Variants in SLC7A8 observed in about 807,000 individuals in gnomAD.
SLC7A8 encodes the protein large neutral amino acids transporter small subunit 2.
SLC7A8 carries 30 observed loss-of-function variants against 51.2 expected under a neutral mutation model. That is an observed-to-expected ratio of 0.59 (90% CI 0.44 to 0.80). SLC7A8 has a LOEUF of 0.80. Among genes scored for constraint, SLC7A8 ranks in the 30% least tolerant of loss-of-function variants. SLC7A8 has a pLI of 0.00. For missense variants in SLC7A8, 612 were observed against 674.4 expected, an observed-to-expected ratio of 0.91 and a Z score of 1.03; for synonymous variants, 257 against 275.8, an observed-to-expected ratio of 0.93 and a Z score of 0.67.
At chr14:23,137,613 TG>T (rs2048702501) in intron 7 of SLC7A8, among the ~76,000 whole-genome samples, 1 of 152,210 alleles carries the variant, frequency 6.6e-6, no homozygotes, top group South Asian at 2.1e-4. Context: ...AGCCACTGAC[TG>T]GGGGCGGCGT....
intron 1 of SLC7A8, among the ~76,000 whole-genome samples, chr14:23,171,465 C>T (rs1288532983): frequency 2.6e-5 from 4 of 152,212 alleles, no homozygotes; most frequent in Non-Finnish European, 4.4e-5. Flanking sequence ...TAAAGCATTA[C>T]TCACATCTAG....
At chr14:23,131,605 A>G in intron 7 of SLC7A8, 48 bp from the exon 8 acceptor site, 1 of 1,454,652 alleles carries the variant, frequency 6.9e-7, no homozygotes, top group Non-Finnish European at 9.3e-7. Context: ...AGGGACCACC[A>G]AGCCCCAGCT....
intron 3 of SLC7A8, 84 bp from the exon 4 acceptor site, chr14:23,143,288 T>A (rs2048762548): frequency 4.5e-6 from 7 of 1,557,046 alleles, no homozygotes; most frequent in Non-Finnish European, 6.1e-6. Flanking sequence ...AACTGCTCCC[T>A]CATCCTGACG....
intron 8 of SLC7A8, among the ~76,000 whole-genome samples, chr14:23,131,137 C>T (rs1456654768): frequency 6.6e-6 from 1 of 152,114 alleles, no homozygotes; most frequent in East Asian, 1.9e-4. Flanking sequence ...GTAACAGGTG[C>T]GAGGAGAGCC....
chr14:23,163,594 T>G (rs1263503757), intron 3 of SLC7A8, among the ~76,000 whole-genome samples: 2 of 151,958 alleles, frequency 1.3e-5, no homozygotes, highest in Non-Finnish European at 1.5e-5. Context: ...GGTGGGTGAG[T>G]GATCTCTTCC....
rs1251474164 is a variant in SLC7A8, at chr14:23,139,524, A to G, written c.812T>C (p.Ile271Thr). The change falls in exon 6 of 11, where the codon ATC becomes ACC. Residue 271 changes from isoleucine (I) to threonine (T), a missense_variant. Physicochemically the swap from Ile to Thr is moderately conservative, Grantham distance 89. Transcript: ENST00000316902. ...PYKNLPRAIF[I>T]SIPLVTFVYV... is the part of the protein sequence containing the mutation. ...CACAAATGTGACCAGTGGGATGGAGATGAAGATGGCTCTGGGAAGGTTCCT... is the reference window on the plus strand; with the variant it reads ...CACAAATGTGACCAGTGGGATGGAGGTGAAGATGGCTCTGGGAAGGTTCCT... 1 of 1,613,894 alleles carries G rather than the reference A, an allele frequency of 6.2e-7. No individual in the cohort carries two copies. The highest frequency in any genetic ancestry group is 1.3e-5 in the African/African-American group (1 of 74,920).
At chr14:23,131,363 G>A (rs2048630403) in intron 8 of SLC7A8, 98 bp downstream of exon 8, 1 of 960,330 alleles carries the variant, frequency 1.0e-6, no homozygotes, top group African/African-American at 1.7e-5. Context: ...CAGACTGCAA[G>A]GGTAACAGGG....
rs765312304 is a variant in SLC7A8 at position 23,128,013 on chromosome 14, A to C, written c.1441+6T>G. On this transcript the variant is annotated splice_donor_region_variant and intron_variant, in intron 10 of 10. Coordinates refer to ENST00000316902, the MANE Select transcript of SLC7A8 (RefSeq NM_012244.4). This position sits in a 1 kb window ranked among gnomAD's most constrained non-coding sequence, Gnocchi z 4.3. ...CTGAAGCCAGCCAGAGCCTCCAACA[A>C]CTCACCAATGAAGTCACTGAAACAC... 3 of 1,611,928 alleles carry C rather than the reference A, an allele frequency of 1.9e-6. No individual in the cohort carries two copies. Among genetic ancestry groups the C allele is most frequent in the Non-Finnish European group, 2.5e-6 (3 of 1,178,540 alleles).
At position 23,160,585 on chromosome 14, in the gene SLC7A8, A is replaced by AC. The variant is rs1236121231; in HGVS notation, c.508+4699_508+4700insG. ...GACTCCGTCTTAAAAAAAAAAAAAAAAAAGGGCACGCTGTAGGAATAACCT... is the reference window on the plus strand; with the variant it reads ...GACTCCGTCTTAAAAAAAAAAAAAAACAAAGGGCACGCTGTAGGAATAACCT... On this transcript the variant is annotated intron_variant, in intron 3 of 10. Coordinates refer to ENST00000316902, the MANE Select transcript of SLC7A8 (RefSeq NM_012244.4). Among the ~76,000 whole-genome samples, 3 of 150,962 alleles carry AC rather than the reference A, an allele frequency of 2.0e-5. No homozygotes were observed. The East Asian group carries it at 5.8e-4, about 29-fold the overall frequency.
chr14:23,176,882 C>T (rs1263137086), intron 1 of SLC7A8, among the ~76,000 whole-genome samples: 1 of 141,300 alleles, frequency 7.1e-6, no homozygotes, highest in Non-Finnish European at 1.5e-5. Context: ...GGAGAGGTTG[C>T]AGTGAGCCGA....
chr14:23,134,958 G>A (rs143413983), intron 7 of SLC7A8, among the ~76,000 whole-genome samples: 14 of 152,306 alleles, frequency 9.2e-5, no homozygotes, highest in African/African-American at 3.4e-4. Context: ...GTAGTGACAA[G>A]GTCTTGCCTT....
chr14:23,154,292 C>T, intron 3 of SLC7A8: 1 of 1,000,376 alleles, frequency 1.0e-6, no homozygotes, highest in Non-Finnish European at 1.2e-6. Flanking sequence ...CTGCCTTCTG[C>T]CACGCTCTGG....
At chr14:23,162,217 G>T (rs2048927939) in intron 3 of SLC7A8, among the ~76,000 whole-genome samples, 1 of 152,140 alleles carries the variant, frequency 6.6e-6, no homozygotes, top group Admixed American at 6.5e-5. Context: ...GCACCCTGCC[G>T]GGCAGAGGGA....
At chr14:23,181,450 G>T (rs1877171234) in intron 1 of SLC7A8, among the ~76,000 whole-genome samples, 1 of 147,894 alleles carries the variant, frequency 6.8e-6, no homozygotes, top group Non-Finnish European at 1.5e-5. Context: ...AGTTGGTGGG[G>T]GTGGGGGGGG....
Position 23,126,778 on chromosome 14 carries a change from T to C in SLC7A8, c.*399A>G, listed in dbSNP as rs547173834. Reference sequence around the variant, plus strand: ...ATGGGGACAGAATTGCTTGAGCCTGTCCCCCCACAATGCAGCTCCTGTGGC... The same window carrying C: ...ATGGGGACAGAATTGCTTGAGCCTGCCCCCCCACAATGCAGCTCCTGTGGC... On this transcript the variant is annotated 3_prime_UTR_variant, in exon 11 of 11. Transcript: ENST00000316902. 85 of 243,578 alleles carry C rather than the reference T, an allele frequency of 3.5e-4. No individual in the cohort carries two copies. The highest frequency in any genetic ancestry group is 2.0e-3 in the East Asian group (19 of 9,338). 15.1% of individuals were successfully genotyped at this position (243,578 alleles called of 1,614,324 possible).
intron 3 of SLC7A8, among the ~76,000 whole-genome samples, chr14:23,157,762 C>T (rs1261252431): frequency 6.6e-6 from 1 of 152,200 alleles, no homozygotes; most frequent in Non-Finnish European, 1.5e-5. Flanking sequence ...TCTCAATTTA[C>T]ATGTCACTTT....
chr14:23,149,935 C>T (rs2048831848), intron 3 of SLC7A8, among the ~76,000 whole-genome samples: 1 of 152,162 alleles, frequency 6.6e-6, no homozygotes, highest in Non-Finnish European at 1.5e-5. Context: ...ACAGGTTACA[C>T]CATGTAGCCT....
At chr14:23,143,009 T>A in intron 4 of SLC7A8, 70 bp downstream of exon 4, 1 of 1,574,876 alleles carries the variant, frequency 6.3e-7, no homozygotes, top group Non-Finnish European at 8.7e-7. Flanking sequence ...CTTCCAAAGC[T>A]GGGCTGAGAG....
chr14:23,131,584 TGGGATAACCCA>T (rs768613221), intron 7 of SLC7A8, 27 bp from the exon 8 acceptor site: 6 of 1,564,314 alleles, frequency 3.8e-6, no homozygotes, highest in Admixed American at 1.8e-5. Context: ...CAGGTCAGCC[TGGGATAACCCA>T]GGGACCACCA....
Sources: allele counts gnomAD v4.1 joint callset (sites outside exome capture counted in the v4.1 genomes callset), GRCh38; gene constraint gnomAD v4.1.1; non-coding constraint Gnocchi (gnomAD v3.1); transcripts MANE v1.5; gene names NCBI Gene and HGNC (gene_info 2026-07-23, HGNC 2026-07-21).